CUBN: variants seen among roughly 807,000 people sequenced by gnomAD.
CUBN encodes the protein cubilin, also known as 460 kDa receptor.
CUBN carries 282 observed loss-of-function variants against 405.3 expected under a neutral mutation model. The ratio of observed to expected loss-of-function variants is 0.70; its 90% CI spans 0.63 to 0.77. The LOEUF (loss-of-function observed/expected upper bound fraction) is 0.77. CUBN is among the 30% of genes least tolerant of loss of function. The pLI, the probability that CUBN is intolerant of heterozygous loss-of-function variation, is 0.00. For missense variants in CUBN, 4,514 were observed against 4,475.2 expected, an observed-to-expected ratio of 1.01 and a Z score of -0.25; for synonymous variants, 1,684 against 1,617.0, an observed-to-expected ratio of 1.04 and a Z score of -0.99.
intron 57 of CUBN, 27 bp downstream of exon 57, chr10:16,876,870 C>G: frequency 1.3e-6 from 2 of 1,598,432 alleles, no homozygotes; most frequent in Non-Finnish European, 1.7e-6. Flanking sequence ...GAAGAAAATT[C>G]CAAACTCTGT....
intron 22 of CUBN, among the ~76,000 whole-genome samples, chr10:17,060,153 C>CT (rs1157320664): frequency 6.6e-6 from 1 of 151,412 alleles, no homozygotes; most frequent in Non-Finnish European, 1.5e-5. Flanking sequence ...TGGAGTTTCG[C>CT]TCTTGTTGCC....
intron 38 of CUBN, among the ~76,000 whole-genome samples, chr10:16,938,210 C>A (rs1204983344): frequency 1.3e-5 from 2 of 151,948 alleles, no homozygotes; most frequent in African/African-American, 4.8e-5. Context: ...GGACAGGTAT[C>A]CTAAAGGAGT....
chr10:17,008,293 A>T (rs1834084735), intron 28 of CUBN, among the ~76,000 whole-genome samples: 1 of 123,724 alleles, frequency 8.1e-6, no homozygotes, highest in African/African-American at 3.2e-5. Context: ...ACTGAGAGTA[A>T]TTTTTACATT....
At chr10:16,964,556 A>T (rs9423958) in intron 31 of CUBN, among the ~76,000 whole-genome samples, 48,065 of 152,086 alleles carry the variant, frequency 0.32, 8,052 homozygotes, top group Middle Eastern at 0.44. Flanking sequence ...AAGGATGGCA[A>T]TAATTTCTTA....
intron 36 of CUBN, among the ~76,000 whole-genome samples, chr10:16,940,709 G>A (rs559734161): frequency 7.4e-4 from 112 of 152,212 alleles, no homozygotes; most frequent in East Asian, 2.3e-3. Context: ...AGAGAAGGGC[G>A]GGACATATTC....
chr10:16,844,285 A>AC (rs36048524), intron 60 of CUBN, among the ~76,000 whole-genome samples: 1 of 151,150 alleles, frequency 6.6e-6, no homozygotes, highest in African/African-American at 2.4e-5. Flanking sequence ...AAAAAAAAAA[A>AC]GACCTTCCAG....
chr10:16,954,566 GGGCAA>G lies in CUBN; in HGVS notation c.4696-23_4696-19del. 1 of 1,612,492 alleles carries G rather than the reference GGGCAA, an allele frequency of 6.2e-7. No homozygotes were observed. Among genetic ancestry groups the G allele is most frequent in the Non-Finnish European group, 8.5e-7 (1 of 1,179,782 alleles). ...TCGTATGCCTACAAGAAAGGAGACA[GGGCAA>G]ACAGTGGTTCAGATTCACATCTAGA... On this transcript the variant is annotated intron_variant, in intron 31 of 66. Coordinates refer to ENST00000377833, the MANE Select transcript of CUBN (RefSeq NM_001081.4).
At chr10:17,033,215 C>A (rs772918505) in intron 27 of CUBN, among the ~76,000 whole-genome samples, 1 of 152,234 alleles carries the variant, frequency 6.6e-6, no homozygotes, top group Non-Finnish European at 1.5e-5. Flanking sequence ...GAGCCTCACA[C>A]TGCTCTCCTT....
chr10:17,046,249 T>C (rs1326164170), intron 23 of CUBN, among the ~76,000 whole-genome samples, 155 bp from the exon 24 acceptor site: 1 of 152,194 alleles, frequency 6.6e-6, no homozygotes, highest in Non-Finnish European at 1.5e-5. Flanking sequence ...AAACACGATT[T>C]TCACTTTTAA....
rs1196592283 is a variant in CUBN at position 16,986,467 on chromosome 10, TC to T, written c.4351-2189del. ...ATAATGATTTCTTTGTCTGATTAAT[TC>T]CCCCCAGCCATCCGGTAAAGGCCAA... On this transcript the variant is annotated intron_variant, in intron 29 of 66. Transcript: ENST00000377833. Among the ~76,000 whole-genome samples the T allele has an allele frequency of 2.0e-5, 3 of 151,866 alleles. No homozygotes were observed. The East Asian group carries it at 5.8e-4, about 29-fold the overall frequency.
Position 16,944,347 on chromosome 10 carries a change from AAT to A in CUBN, c.5342+2886_5342+2887del, listed in dbSNP as rs1341458802. On this transcript the variant is annotated intron_variant, in intron 36 of 66. Transcript: ENST00000377833. ...TCATATTATGGGTAATAAATGGTTA[AAT>A]ATATGTCTTACAAAAAACTCCTTTT... 6.6e-5 allele frequency among the ~76,000 whole-genome samples: 10 copies of A among 152,338 alleles called. No individual in the cohort carries two copies. The East Asian group carries it at 1.9e-3, about 29-fold the overall frequency.
chr10:17,000,129 C>T (rs1332898974), intron 28 of CUBN, among the ~76,000 whole-genome samples: 1 of 152,246 alleles, frequency 6.6e-6, no homozygotes, highest in African/African-American at 2.4e-5. Context: ...CAAATCCTCA[C>T]ATGCTCCACC....
chr10:16,848,186 G>C (rs1287738947), intron 60 of CUBN, among the ~76,000 whole-genome samples: 2 of 152,150 alleles, frequency 1.3e-5, no homozygotes, highest in African/African-American at 4.8e-5. Context: ...ACAATGACAG[G>C]CTGTTTTGAT....
Position 16,952,281 on chromosome 10 carries a change from G to A in CUBN, c.4964C>T (p.Pro1655Leu). Residue 1655 changes from proline (P) to leucine (L), a missense_variant, in exon 33 of 67, where the codon CCT becomes CTT. This residue lies in a region of CUBN where 1,613 missense variants were observed against 1,542.8 expected (regional missense o/e 1.05). Transcript: ENST00000377833. The stretch of plus-strand genomic sequence containing the variant: ...TTTTCATTTTTGTTACTTACATGGA[G>A]GTTGCGCTTGAATGATCCAGCTGCA... ...QNCSWIIQAQ[P>L]PLNHITLSFT... 2 of 1,610,080 alleles carry A rather than the reference G, an allele frequency of 1.2e-6. No homozygotes were observed.
At chr10:16,951,103 A>G (rs976407204) in intron 33 of CUBN, among the ~76,000 whole-genome samples, 6 of 152,190 alleles carry the variant, frequency 3.9e-5, no homozygotes, top group African/African-American at 1.4e-4. Context: ...GCTGTTCTTG[A>G]ACCAGTGAGA....
intron 59 of CUBN, among the ~76,000 whole-genome samples, chr10:16,865,020 G>C (rs956883252): frequency 6.3e-5 from 8 of 127,562 alleles, no homozygotes; most frequent in South Asian, 5.1e-4. Context: ...GAGTGCAATG[G>C]TGCTATCTTG....
At chr10:16,908,190 GGCTGGAGTGCA>G (rs1841611056) in intron 48 of CUBN, among the ~76,000 whole-genome samples, 1 of 152,064 alleles carries the variant, frequency 6.6e-6, no homozygotes, top group African/African-American at 2.4e-5. Flanking sequence ...TTGTTGCCCA[GGCTGGAGTGCA>G]GCGGTGTGAT....
chr10:16,928,556 G>A (rs1282736584), intron 40 of CUBN, among the ~76,000 whole-genome samples: 3 of 114,690 alleles, frequency 2.6e-5, no homozygotes, highest in African/African-American at 1.0e-4. Context: ...TTGAGATGGA[G>A]TCTTCCTCTG....
intron 27 of CUBN, among the ~76,000 whole-genome samples, chr10:17,026,283 C>A (rs1332047149): frequency 6.6e-6 from 1 of 152,178 alleles, no homozygotes; most frequent in Non-Finnish European, 1.5e-5. Flanking sequence ...GTTCAGGTTA[C>A]TTTAAATTTG....
Sources: gnomAD v4.1 joint callset for allele counts (sites outside exome capture counted in the v4.1 genomes callset) on GRCh38, gnomAD v4.1.1 for gene constraint, gnomAD v4.1.1 regional missense constraint, MANE v1.5 for transcripts, NCBI Gene and HGNC (gene_info 2026-07-23, HGNC 2026-07-21) for gene names.